SOX6: variants seen among roughly 807,000 people sequenced by gnomAD.
The protein encoded by SOX6 is transcription factor SOX-6.
A neutral mutation model predicts 97.8 loss-of-function variants in SOX6; 11 were observed. The observed-to-expected ratio is 0.11, with a 90% CI of 0.07 to 0.19. The LOEUF (loss-of-function observed/expected upper bound fraction) is 0.19, where lower values mean the gene tolerates loss of function less well. Among genes scored for constraint, SOX6 ranks in the 10% least tolerant of loss-of-function variants. SOX6 has a pLI of 1.00. For synonymous variants in SOX6, 360 were observed against 371.4 expected (o/e 0.97, Z 0.35); for missense variants, 810 against 1,039.5 (o/e 0.78, Z 3.04).
At chr11:16,371,183 A>C (rs1346597537) in intron 1 of SOX6, among the ~76,000 whole-genome samples, 1 of 151,536 alleles carries the variant, frequency 6.6e-6, no homozygotes. Flanking sequence ...CTCTGATCTC[A>C]TCCCTCCCTG....
chr11:16,194,599 A>C (rs1003905266), intron 4 of SOX6, among the ~76,000 whole-genome samples: 2 of 152,178 alleles, frequency 1.3e-5, no homozygotes, highest in African/African-American at 4.8e-5. Context: ...TGTCATTAGA[A>C]TCTACAGTGT....
rs200394662 is a variant in SOX6 at position 16,061,224 on chromosome 11, A to G, written c.1102-5323T>C. ...GCTCAGTAACTGTTAGCTTCACTGA[A>G]CAGTAGTAGCATTTCTAGACACCTA... On this transcript the variant is annotated intron_variant, in intron 9 of 15. Transcript: ENST00000683767. Among the ~76,000 whole-genome samples the G allele has an allele frequency of 3.3e-5, 5 of 151,598 alleles. No homozygotes were observed. The East Asian group carries it at 9.7e-4, about 29-fold the overall frequency.
chr11:16,108,538 A>G (rs891812918), intron 7 of SOX6, among the ~76,000 whole-genome samples: 2 of 152,042 alleles, frequency 1.3e-5, no homozygotes, highest in Non-Finnish European at 2.9e-5. Context: ...CTGTATCACA[A>G]TGTGAAAGAG....
At chr11:16,302,740 T>C (rs1403589002) in intron 3 of SOX6, among the ~76,000 whole-genome samples, 1 of 151,800 alleles carries the variant, frequency 6.6e-6, no homozygotes, top group East Asian at 2.0e-4. Flanking sequence ...CAACTAATTT[T>C]TCTATATTTA....
At chr11:16,556,685 A>G (rs1847752442) in intron 4 of SOX6, among the ~76,000 whole-genome samples, 1 of 151,860 alleles carries the variant, frequency 6.6e-6, no homozygotes. Flanking sequence ...ATAACATTTT[A>G]TAATCATAAA....
At chr11:16,237,793 C>A (rs757578688) in intron 3 of SOX6, among the ~76,000 whole-genome samples, 4 of 151,944 alleles carry the variant, frequency 2.6e-5, no homozygotes, top group Non-Finnish European at 4.4e-5. Context: ...CTGCCACCAT[C>A]CTCAAAACAA....
chr11:16,641,956 T>C (rs974159952), intron 3 of SOX6, among the ~76,000 whole-genome samples: 3 of 152,222 alleles, frequency 2.0e-5, no homozygotes, highest in African/African-American at 7.2e-5. Flanking sequence ...ATTATGATGT[T>C]AGCTGGTTAT....
intron 4 of SOX6, among the ~76,000 whole-genome samples, chr11:16,221,663 C>T (rs1274356373): frequency 1.3e-5 from 2 of 152,112 alleles, no homozygotes; most frequent in Non-Finnish European, 1.5e-5. Flanking sequence ...TAAAATAATT[C>T]ATTCAAGGGA....
intron 3 of SOX6, among the ~76,000 whole-genome samples, chr11:16,248,297 G>GC (rs1189366948): frequency 6.6e-6 from 1 of 151,412 alleles, no homozygotes; most frequent in Non-Finnish European, 1.5e-5. Context: ...TACCATTTTG[G>GC]GTCTGGAGAA....
At chr11:16,187,051 C>T (rs548170418) in intron 4 of SOX6, 96 bp from the exon 5 acceptor site, 31 of 1,346,018 alleles carry the variant, frequency 2.3e-5, no homozygotes, top group Admixed American at 3.4e-5. Flanking sequence ...TATCCTAAGA[C>T]ATTTAAAGAT....
upstream of SOX6, among the ~76,000 whole-genome samples, chr11:16,359,065 G>T (rs1370187032): frequency 2.0e-5 from 3 of 150,962 alleles, no homozygotes; most frequent in Non-Finnish European, 3.0e-5. Context: ...AAAGTGATAG[G>T]ATAAGAAACC....
intron 4 of SOX6, among the ~76,000 whole-genome samples, chr11:16,190,353 A>C (rs969348116): frequency 2.0e-5 from 3 of 152,212 alleles, no homozygotes; most frequent in African/African-American, 7.2e-5. Flanking sequence ...TAGGTTGCAC[A>C]TCCACTTATT....
chr11:16,259,579 A>T (rs1853809394), intron 3 of SOX6, among the ~76,000 whole-genome samples: 2 of 152,200 alleles, frequency 1.3e-5, no homozygotes, highest in Admixed American at 1.3e-4. Flanking sequence ...GGTAACCAAT[A>T]GACATAGAAC....
chr11:16,578,290 A>C (rs944758812), intron 4 of SOX6, among the ~76,000 whole-genome samples: 1 of 152,192 alleles, frequency 6.6e-6, no homozygotes, highest in Non-Finnish European at 1.5e-5. Flanking sequence ...GTCTATGAGC[A>C]TAATTTGAAA....
At chr11:16,658,914 A>T (rs1426511422) in intron 3 of SOX6, among the ~76,000 whole-genome samples, 1 of 152,048 alleles carries the variant, frequency 6.6e-6, no homozygotes, top group Non-Finnish European at 1.5e-5. Flanking sequence ...CCTTTTTTAA[A>T]AAAAGAAGTT....
chr11:16,307,712 A>G (rs1294425109), intron 3 of SOX6, among the ~76,000 whole-genome samples: 2 of 152,158 alleles, frequency 1.3e-5, no homozygotes, highest in Non-Finnish European at 2.9e-5. Flanking sequence ...CAAAAAGTAT[A>G]TATATTAGCA....
intron 3 of SOX6, among the ~76,000 whole-genome samples, chr11:16,270,372 T>C (rs761550653): frequency 3.3e-5 from 5 of 151,060 alleles, no homozygotes; most frequent in Non-Finnish European, 5.9e-5. Flanking sequence ...TGTGGAAAAA[T>C]TGGAATCCTC....
Position 16,388,344 on chromosome 11 carries a change from T to C in SOX6, c.-4-47092A>G, listed in dbSNP as rs75478791. Among the ~76,000 whole-genome samples, 218 of 152,280 alleles carry C rather than the reference T, an allele frequency of 1.4e-3. 1 individual carries two copies. In the East Asian group the frequency reaches 0.041, roughly 29 times the overall value. On this transcript the variant is annotated intron_variant, in intron 1 of 15. Transcript: ENST00000396356. ...TTGTTTTGTTAAAGATTTTTGCATC[T>C]ATGACCATGAAGGATATTGGTCTAT... is the stretch of plus-strand genomic sequence containing the variant.
At chr11:16,288,259 G>A (rs1433450960) in intron 3 of SOX6, among the ~76,000 whole-genome samples, 1 of 151,618 alleles carries the variant, frequency 6.6e-6, no homozygotes, top group East Asian at 1.9e-4. Context: ...CTAAGGCCTG[G>A]TCTTTCAATA....
Sources: gnomAD v4.1 joint callset for allele counts (sites outside exome capture counted in the v4.1 genomes callset) on GRCh38, gnomAD v4.1.1 for gene constraint, MANE v1.5 for transcripts, NCBI Gene and HGNC (gene_info 2026-07-23, HGNC 2026-07-21) for gene names.